Variants in CARMIL1 observed in about 807,000 individuals in gnomAD.
CARMIL1 encodes capping protein regulator and myosin 1 linker 1.
A neutral mutation model predicts 177.1 loss-of-function variants in CARMIL1; 90 were observed. That is an observed-to-expected ratio of 0.51 (90% confidence interval 0.43 to 0.61). The LOEUF (loss-of-function observed/expected upper bound fraction) is 0.61. Ranked by LOEUF, CARMIL1 falls within the 20% of genes least tolerant of loss-of-function variation. The pLI is 0.00. For missense variants in CARMIL1, 1,380 were observed against 1,667.0 expected (o/e 0.83, Z 3.00); for synonymous variants, 577 against 606.2 (o/e 0.95, Z 0.71).
Position 25,556,744 on chromosome 6 carries a change from A to G in CARMIL1, c.2636A>G (p.Glu879Gly), listed in dbSNP as rs773902412. 1 of 1,613,526 alleles carries G rather than the reference A, an allele frequency of 6.2e-7. No individual in the cohort carries two copies. Among genetic ancestry groups the G allele is most frequent in the East Asian group, 2.2e-5 (1 of 44,862 alleles). ...CGTGGCAAGACCCTTCCTCAACAAG[A>G]ATCCTTAGAGATCGAGCTGGCTGAG... ...SRRGKTLPQQ[E>G]SLEIELAEEK... The change falls in exon 29 of 37, where the codon GAA becomes GGA. Residue 879 changes from glutamate (E) to glycine (G), a missense_variant. Transcript: ENST00000329474.
intron 2 of CARMIL1, among the ~76,000 whole-genome samples, chr6:25,289,160 G>C (rs1781748774): frequency 6.6e-6 from 1 of 152,126 alleles, no homozygotes. Context: ...CTTTAGCCAT[G>C]TTTTTTAAAA....
At chr6:25,480,179 C>A (rs1801952000) in intron 11 of CARMIL1, among the ~76,000 whole-genome samples, 1 of 151,896 alleles carries the variant, frequency 6.6e-6, no homozygotes. Context: ...TCAGTTATAT[C>A]TTTTTTCATT....
At chr6:25,409,933 C>T (rs569865833) in intron 2 of CARMIL1, among the ~76,000 whole-genome samples, 4 of 152,150 alleles carry the variant, frequency 2.6e-5, no homozygotes, top group South Asian at 2.1e-4. Flanking sequence ...TGAGAAGCAC[C>T]GCTGTAAATT....
At chr6:25,588,982 G>A (rs1288098085) in intron 31 of CARMIL1, among the ~76,000 whole-genome samples, 1 of 152,204 alleles carries the variant, frequency 6.6e-6, no homozygotes. Flanking sequence ...TCGGCCCAAT[G>A]ATGAAACAAA....
chr6:25,445,805 C>T (rs1798180316), intron 5 of CARMIL1, among the ~76,000 whole-genome samples: 1 of 152,100 alleles, frequency 6.6e-6, no homozygotes, highest in Admixed American at 6.6e-5. Context: ...GGATTACAGA[C>T]ACAAAATATA....
chr6:25,581,218 T>C (rs760666812), intron 30 of CARMIL1, 25 bp from the exon 31 acceptor site: 3 of 1,590,560 alleles, frequency 1.9e-6, no homozygotes, highest in Non-Finnish European at 8.5e-7. Flanking sequence ...GGGCTGTTTT[T>C]TTGTTTTTTT....
At chr6:25,544,724 T>C (rs563762551) in intron 26 of CARMIL1, among the ~76,000 whole-genome samples, 21 of 151,702 alleles carry the variant, frequency 1.4e-4, no homozygotes, top group Non-Finnish European at 3.1e-4. Flanking sequence ...GAAAGACTAA[T>C]GAGCTGGGAA....
intron 2 of CARMIL1, among the ~76,000 whole-genome samples, chr6:25,290,806 G>A (rs1023661725): frequency 3.3e-5 from 5 of 151,980 alleles, no homozygotes; most frequent in Admixed American, 6.6e-5. Flanking sequence ...GCCCCTGAAC[G>A]ACAGGGTCTC....
chr6:25,292,772 C>CAATT (rs1167050377), intron 2 of CARMIL1, among the ~76,000 whole-genome samples: 1 of 151,864 alleles, frequency 6.6e-6, no homozygotes, highest in Non-Finnish European at 1.5e-5. Context: ...TGGACCAGGG[C>CAATT]AATTAGGTAT....
intron 10 of CARMIL1, 119 bp downstream of exon 10, chr6:25,471,376 T>G (rs762210378): frequency 1.2e-5 from 7 of 606,694 alleles, no homozygotes; most frequent in Non-Finnish European, 1.1e-5. Flanking sequence ...CAGCAATGTT[T>G]TTCCTTCTGG....
At chr6:25,534,734 T>G (rs1322552894) in intron 24 of CARMIL1, among the ~76,000 whole-genome samples, 3 of 152,204 alleles carry the variant, frequency 2.0e-5, no homozygotes, top group Non-Finnish European at 4.4e-5. Context: ...CTTTATGTCC[T>G]GTGTTACTGC....
chr6:25,521,607 A>C (rs950892324), intron 23 of CARMIL1, among the ~76,000 whole-genome samples: 7 of 151,758 alleles, frequency 4.6e-5, no homozygotes, highest in Non-Finnish European at 8.8e-5. Context: ...GTCTCTACTG[A>C]AAATACAAAA....
chr6:25,431,479 A>G (rs1796784197), intron 4 of CARMIL1, among the ~76,000 whole-genome samples: 1 of 151,884 alleles, frequency 6.6e-6, no homozygotes, highest in Non-Finnish European at 1.5e-5. Context: ...TGTTTGCCCA[A>G]ATGGTCAAAC....
intron 2 of CARMIL1, among the ~76,000 whole-genome samples, chr6:25,287,836 TC>T (rs1581449552): frequency 6.6e-6 from 1 of 152,224 alleles, no homozygotes; most frequent in African/African-American, 2.4e-5. Context: ...GTTGCTGACT[TC>T]AAACAATGAT....
chr6:25,426,357 G>A (rs939334714), intron 3 of CARMIL1, 144 bp from the exon 4 acceptor site: 16 of 515,482 alleles, frequency 3.1e-5, no homozygotes, highest in Admixed American at 1.1e-4. Context: ...AAACCAGCCC[G>A]CCTTCAGAAG....
At chr6:25,601,589 T>C (rs1054658952) in intron 33 of CARMIL1, among the ~76,000 whole-genome samples, 4 of 152,244 alleles carry the variant, frequency 2.6e-5, no homozygotes, top group African/African-American at 9.6e-5. Context: ...AATGCCTTGC[T>C]ATATTCCAGA....
intron 31 of CARMIL1, among the ~76,000 whole-genome samples, chr6:25,589,907 A>G (rs1008591102): frequency 4.6e-5 from 7 of 152,346 alleles, no homozygotes; most frequent in South Asian, 2.1e-4. Context: ...GGCAAGGTCT[A>G]TAATCTGTTT....
At chr6:25,353,752 C>T (rs941800817) in intron 2 of CARMIL1, among the ~76,000 whole-genome samples, 1 of 152,168 alleles carries the variant, frequency 6.6e-6, no homozygotes, top group African/African-American at 2.4e-5. Context: ...TGAGTAAGCT[C>T]ATTAAGAAAA....
At chr6:25,395,020 A>C (rs1015598813) in intron 2 of CARMIL1, among the ~76,000 whole-genome samples, 3 of 152,232 alleles carry the variant, frequency 2.0e-5, no homozygotes, top group Non-Finnish European at 2.9e-5. Flanking sequence ...AGGCACTTTA[A>C]AAAATATTGT....
Sources: gnomAD v4.1 joint callset for allele counts (sites outside exome capture counted in the v4.1 genomes callset) on GRCh38, gnomAD v4.1.1 for gene constraint, MANE v1.5 for transcripts, NCBI Gene and HGNC (gene_info 2026-07-23, HGNC 2026-07-21) for gene names.